The following SLC25A21 variants were observed in gnomAD, a reference collection of about 807,000 sequenced individuals.
The protein encoded by SLC25A21 is solute carrier family 25 member 21, also known as mitochondrial 2-oxodicarboxylate carrier.
SLC25A21 carries 47 observed loss-of-function variants against 43.8 expected under a neutral mutation model. The ratio of observed to expected loss-of-function variants is 1.07; its 90% CI spans 0.85 to 1.37. The LOEUF is 1.37. Among genes scored for constraint, SLC25A21 ranks in the 40% most tolerant of loss-of-function variants. SLC25A21 has a pLI of 0.00. For missense variants in SLC25A21, 352 were observed against 350.2 expected, an observed-to-expected ratio of 1.00 and a Z score of -0.04; for synonymous variants, 131 against 121.3, an observed-to-expected ratio of 1.08 and a Z score of -0.52.
intron 1 of SLC25A21, among the ~76,000 whole-genome samples, chr14:37,137,061 C>T (rs527265273): frequency 4.5e-4 from 69 of 152,232 alleles, no homozygotes; most frequent in South Asian, 3.5e-3. Flanking sequence ...GGTGCAGTGG[C>T]GCAATCTCGG....
In SLC25A21 at chr14:37,101,423, A is replaced by G. The variant is rs182056126; in HGVS notation, c.70+70858T>C. ...ACCCCGAATCTTGGCCAATGTTACT[A>G]ATGAAAACCATTTATGACAAGAAAT... On this transcript the variant is annotated intron_variant, in intron 1 of 9. Transcript: ENST00000331299. Among the ~76,000 whole-genome samples the G allele has an allele frequency of 7.2e-5, 11 of 152,306 alleles. 1 individual carries two copies. Among genetic ancestry groups the G allele is most frequent in the Admixed American group, 7.2e-4 (11 of 15,304 alleles).
At chr14:36,768,721 A>G (rs894438791) in intron 3 of SLC25A21, among the ~76,000 whole-genome samples, 1 of 152,144 alleles carries the variant, frequency 6.6e-6, no homozygotes, top group African/African-American at 2.4e-5. Flanking sequence ...AATGGAAGTC[A>G]TATTATAAGG....
intron 2 of SLC25A21, among the ~76,000 whole-genome samples, chr14:36,868,380 A>G (rs770760540): frequency 7.2e-5 from 11 of 152,170 alleles, no homozygotes; most frequent in Non-Finnish European, 1.6e-4. Context: ...CATAACTGCC[A>G]TATGTACAGC....
At chr14:37,023,000 T>C (rs539009107) in intron 1 of SLC25A21, among the ~76,000 whole-genome samples, 13 of 152,092 alleles carry the variant, frequency 8.5e-5, no homozygotes, top group Admixed American at 1.3e-4. Flanking sequence ...TTTCAGGTAA[T>C]TTCGTATAGG....
At chr14:36,969,499 T>G (rs1420092149) in intron 1 of SLC25A21, among the ~76,000 whole-genome samples, 1 of 151,988 alleles carries the variant, frequency 6.6e-6, no homozygotes, top group African/African-American at 2.4e-5. Context: ...AAAACAAAAA[T>G]TTTTTTAGAG....
chr14:37,033,872 G>A (rs920660093), intron 1 of SLC25A21, among the ~76,000 whole-genome samples: 2 of 152,152 alleles, frequency 1.3e-5, no homozygotes, highest in Admixed American at 1.3e-4. Flanking sequence ...GGAACTTGCT[G>A]TTACAGGTAT....
chr14:37,128,532 C>CTGTG (rs1331145111), intron 1 of SLC25A21, among the ~76,000 whole-genome samples: 1 of 108,384 alleles, frequency 9.2e-6, no homozygotes. Flanking sequence ...CTCTCTCTCT[C>CTGTG]TCTCTCTGTG....
At chr14:36,736,060 C>T (rs190553762) in intron 3 of SLC25A21, among the ~76,000 whole-genome samples, 1,891 of 151,146 alleles carry the variant, frequency 0.013, 20 homozygotes, top group Middle Eastern at 0.054. Flanking sequence ...CTCAGCCTCC[C>T]GAGTAGCTGG....
At chr14:36,922,215 G>C (rs1442374876) in intron 1 of SLC25A21, among the ~76,000 whole-genome samples, 1 of 151,244 alleles carries the variant, frequency 6.6e-6, no homozygotes, top group East Asian at 1.9e-4. Flanking sequence ...ACAAACAACT[G>C]AATTTGCCCT....
chr14:36,739,686 A>G (rs8021950), intron 3 of SLC25A21, among the ~76,000 whole-genome samples: 6 of 43,890 alleles, frequency 1.4e-4, no homozygotes, highest in South Asian at 2.1e-3. Flanking sequence ...AAAAAAAAAG[A>G]AAAAAAAAAA....
chr14:36,826,583 G>T (rs930283641), intron 2 of SLC25A21, among the ~76,000 whole-genome samples: 6 of 152,172 alleles, frequency 3.9e-5, no homozygotes, highest in South Asian at 2.1e-4. Flanking sequence ...CTTGATTATG[G>T]CTCTTCGTGA....
At chr14:36,827,878 A>C (rs1888892169) in intron 2 of SLC25A21, among the ~76,000 whole-genome samples, 1 of 152,236 alleles carries the variant, frequency 6.6e-6, no homozygotes, top group African/African-American at 2.4e-5. Flanking sequence ...AAGATACCAC[A>C]GTTTTAGATT....
intron 1 of SLC25A21, among the ~76,000 whole-genome samples, chr14:37,023,294 A>C (rs564702048): frequency 6.6e-6 from 1 of 152,144 alleles, no homozygotes; most frequent in South Asian, 2.1e-4. Context: ...TGCTGCCAGG[A>C]AACTTCAGAT....
At chr14:37,116,985 C>T (rs1345445646) in intron 1 of SLC25A21, among the ~76,000 whole-genome samples, 3 of 152,190 alleles carry the variant, frequency 2.0e-5, no homozygotes, top group East Asian at 1.9e-4. Context: ...TTTGACATGG[C>T]GGCTCAGTTT....
intron 1 of SLC25A21, among the ~76,000 whole-genome samples, chr14:36,940,891 T>C (rs1443297912): frequency 2.0e-5 from 3 of 152,160 alleles, no homozygotes; most frequent in East Asian, 1.9e-4. Flanking sequence ...ATTGCAGATA[T>C]AGAATGACTG....
At chr14:37,052,232 G>C (rs1279211300) in intron 1 of SLC25A21, among the ~76,000 whole-genome samples, 1 of 152,172 alleles carries the variant, frequency 6.6e-6, no homozygotes, top group Non-Finnish European at 1.5e-5. Flanking sequence ...GTGATCCAGG[G>C]ATGCAAGTAT....
chr14:36,992,283 G>A (rs1183772602), intron 1 of SLC25A21, among the ~76,000 whole-genome samples: 2 of 152,134 alleles, frequency 1.3e-5, no homozygotes, highest in African/African-American at 4.8e-5. Context: ...GTATGCACCT[G>A]TGTAGTCTCA....
At chr14:37,078,595 T>C (rs556281613) in intron 1 of SLC25A21, among the ~76,000 whole-genome samples, 21 of 152,268 alleles carry the variant, frequency 1.4e-4, no homozygotes, top group African/African-American at 4.8e-4. Context: ...TTGGGAGCCA[T>C]TATTCTTAGT....
At chr14:36,969,176 A>C (rs943959164) in intron 1 of SLC25A21, among the ~76,000 whole-genome samples, 1 of 152,216 alleles carries the variant, frequency 6.6e-6, no homozygotes, top group Non-Finnish European at 1.5e-5. Context: ...TACAAAACAG[A>C]CAAAAATTAA....
Sources: allele counts gnomAD v4.1 joint callset (sites outside exome capture counted in the v4.1 genomes callset), GRCh38; gene constraint gnomAD v4.1.1; transcripts MANE v1.5; gene names NCBI Gene and HGNC (gene_info 2026-07-23, HGNC 2026-07-21).